SCN1A: variants seen among roughly 807,000 people sequenced by gnomAD.
SCN1A encodes the protein sodium channel protein type 1 subunit alpha.
SCN1A carries 13 observed loss-of-function variants against 193.7 expected under a neutral mutation model. The ratio of observed to expected loss-of-function variants is 0.07; its 90% CI spans 0.04 to 0.11. The LOEUF (loss-of-function observed/expected upper bound fraction) is 0.11, where lower values mean the gene tolerates loss of function less well. Ranked by LOEUF, SCN1A falls within the 10% of genes least tolerant of loss-of-function variation. SCN1A has a pLI of 1.00. For synonymous variants in SCN1A, 781 were observed against 843.6 expected, an observed-to-expected ratio of 0.93 and a Z score of 1.29; for missense variants, 1,432 against 2,451.1, an observed-to-expected ratio of 0.58 and a Z score of 8.78.
chr2:166,083,907 T>C (rs1450961437), intron 2 of SCN1A, among the ~76,000 whole-genome samples: 1 of 152,174 alleles, frequency 6.6e-6, no homozygotes, highest in Non-Finnish European at 1.5e-5. Flanking sequence ...AGTAATCTTA[T>C]TGTGTGGGTG....
intron 2 of SCN1A, among the ~76,000 whole-genome samples, chr2:166,118,144 AAGAG>A (rs971680861): frequency 1.1e-4 from 16 of 148,332 alleles, no homozygotes; most frequent in Non-Finnish European, 1.5e-4. Context: ...TGAAAAAAAA[AAGAG>A]AGAGAGAGAG....
chr2:166,077,587 G>C (rs965898509), intron 3 of SCN1A, 123 bp downstream of exon 3: 1 of 151,956 alleles, frequency 6.6e-6, no homozygotes, highest in African/African-American at 2.4e-5. Context: ...TGAGGATATG[G>C]AGCAATAGAA....
intron 2 of SCN1A, among the ~76,000 whole-genome samples, chr2:166,094,679 G>C (rs143724078): frequency 1.4e-4 from 21 of 152,234 alleles, no homozygotes; most frequent in Middle Eastern, 3.4e-3. Flanking sequence ...TAGTTGCTAC[G>C]CATGGAGTAG....
At chr2:166,135,622 T>C (rs1212169607) in intron 1 of SCN1A, among the ~76,000 whole-genome samples, 1 of 152,224 alleles carries the variant, frequency 6.6e-6, no homozygotes, top group Non-Finnish European at 1.5e-5. Flanking sequence ...ATCTTTTCTT[T>C]TTGTTTCTTT....
At chr2:166,142,087 A>G (rs1306167426) in intron 1 of SCN1A, among the ~76,000 whole-genome samples, 2 of 152,196 alleles carry the variant, frequency 1.3e-5, no homozygotes, top group Non-Finnish European at 2.9e-5. Flanking sequence ...CATTCTAAGA[A>G]GAGGAGATAC....
chr2:166,044,721 AT>A (rs11310159), intron 13 of SCN1A, among the ~76,000 whole-genome samples: 110,983 of 150,926 alleles, frequency 0.74, 41,042 homozygotes, highest in East Asian at 0.89. Flanking sequence ...GGAGTTCCAC[AT>A]TTTTTTTTTT....
Position 165,990,185 on chromosome 2 carries a change from T to C in SCN1A, c.*1060A>G, listed in dbSNP as rs1688945602. 3 of 152,620 alleles carry C rather than the reference T, an allele frequency of 2.0e-5. No individual in the cohort carries two copies. In the South Asian group the frequency reaches 6.2e-4, roughly 32 times the overall value. The allele number at this position is 152,620 out of a possible 1,614,324, so 9.5% of individuals were successfully genotyped here. ...AGCTTGCACTCTACATTTCTTGTGG[T>C]ACATATTTGATGCAATAAATACTGT... is the stretch of plus-strand genomic sequence containing the variant. On this transcript the variant is annotated 3_prime_UTR_variant, in exon 29 of 29. Transcript: ENST00000674923.
chr2:166,142,853 C>G (rs1692147427), intron 1 of SCN1A, among the ~76,000 whole-genome samples: 1 of 152,182 alleles, frequency 6.6e-6, no homozygotes, highest in South Asian at 2.1e-4. Context: ...GAATAAGCCT[C>G]ATGAGATCTG....
chr2:166,130,434 C>T (rs1249168537), upstream of SCN1A, among the ~76,000 whole-genome samples: 1 of 152,230 alleles, frequency 6.6e-6, no homozygotes, highest in African/African-American at 2.4e-5. Flanking sequence ...CACTACCTTT[C>T]TTCCGCCTCC....
chr2:166,050,867 A>G (rs1391730600), intron 9 of SCN1A, among the ~76,000 whole-genome samples: 1 of 151,232 alleles, frequency 6.6e-6, no homozygotes, highest in East Asian at 1.9e-4. Context: ...TAAGAATAAG[A>G]TTTACTTTTA....
At chr2:165,999,238 A>G (rs1690492094) in intron 25 of SCN1A, 2 of 154,044 alleles carry the variant, frequency 1.3e-5, no homozygotes, top group South Asian at 4.0e-4. Context: ...AAAATCATAT[A>G]AAAACATTCT....
chr2:166,107,276 G>GT (rs1035407718), intron 2 of SCN1A, among the ~76,000 whole-genome samples: 31 of 152,208 alleles, frequency 2.0e-4, no homozygotes, highest in African/African-American at 7.2e-4. Flanking sequence ...AATATGTCTT[G>GT]TTTTTTGCTT....
intron 2 of SCN1A, among the ~76,000 whole-genome samples, chr2:166,096,431 A>C (rs1687390041): frequency 6.6e-6 from 1 of 152,024 alleles, no homozygotes; most frequent in African/African-American, 2.4e-5. Context: ...ACAGGCACCC[A>C]CCACCACACC....
rs149570962 is a variant in SCN1A at position 165,997,836 on chromosome 2, A to T, written c.4476+202T>A. ...GAGGAAAAACTTTATGAACCTATGA[A>T]CAAGAGTGTGGAACACAGTTATTCT... is the stretch of plus-strand genomic sequence containing the variant. On this transcript the variant is annotated intron_variant, in intron 26 of 28. Coordinates refer to ENST00000674923, the MANE Select transcript of SCN1A (RefSeq NM_001165963.4). Among the ~76,000 whole-genome samples the T allele has an allele frequency of 5.7e-3, 861 of 151,382 alleles. 8 individuals carry two copies. Among genetic ancestry groups the T allele is most frequent in the African/African-American group, 0.02 (832 of 41,488 alleles).
rs148546224 is a variant in SCN1A at position 165,992,330 on chromosome 2, G to A, written c.4945C>T (p.Leu1649=). The change falls in exon 29 of 29, where the codon CTG becomes TTG. Residue 1649 remains leucine, a synonymous_variant. Coordinates refer to ENST00000674923, the MANE Select transcript of SCN1A (RefSeq NM_001165963.4). This position sits in a 1 kb window ranked among gnomAD's most constrained non-coding sequence, Gnocchi z 6.5. The stretch of plus-strand genomic sequence containing the variant: ...CGGATCCCCTTTGCTCCTTTGATCA[G>A]ACGTAGGATTCGGCCAATCCTAGCA... ...RLARIGRILR[L]IKGAKGIRTL... 9.9e-4 allele frequency: 1,592 copies of A among 1,613,724 alleles called. 22 individuals are homozygous for A. Among genetic ancestry groups the A allele is most frequent in the South Asian group, 8.6e-3 (786 of 91,086 alleles).
In SCN1A at chr2:166,097,511, T is replaced by C. The variant is rs115534222; in HGVS notation, c.-141-19710A>G. On this transcript the variant is annotated intron_variant, in intron 2 of 28. Coordinates refer to ENST00000674923, the MANE Select transcript of SCN1A (RefSeq NM_001165963.4). ...TCTGCTATATGTTTAAAAAAATGCT[T>C]ATACGTGAGATTATCTAGACTTCAC... Among the ~76,000 whole-genome samples, 1,281 of 152,304 alleles carry C rather than the reference T, an allele frequency of 8.4e-3. 18 individuals are homozygous for C. Among genetic ancestry groups the C allele is most frequent in the African/African-American group, 0.029 (1,223 of 41,564 alleles).
intron 2 of SCN1A, among the ~76,000 whole-genome samples, chr2:166,091,197 C>A (rs1365277593): frequency 6.6e-6 from 1 of 152,176 alleles, no homozygotes; most frequent in Non-Finnish European, 1.5e-5. Context: ...AAAATCATTT[C>A]TTTCCGGAGC....
In SCN1A at chr2:165,994,428, T is replaced by A. The variant is rs752455718; in HGVS notation, c.4582-12A>T. The A allele has an allele frequency of 6.2e-7, 1 of 1,612,202 alleles. No individual in the cohort carries two copies. ...CCTTGAAATTTGTTCTGTAGAGAAATAGAAATGCTTTTAACAACAAAGGAG... is the reference window on the plus strand; with the variant it reads ...CCTTGAAATTTGTTCTGTAGAGAAAAAGAAATGCTTTTAACAACAAAGGAG... On this transcript the variant is annotated splice_polypyrimidine_tract_variant and intron_variant, in intron 27 of 28. Transcript: ENST00000674923.
At chr2:165,997,077 T>C (rs1335541976) in intron 26 of SCN1A, among the ~76,000 whole-genome samples, 1 of 151,352 alleles carries the variant, frequency 6.6e-6, no homozygotes, top group Admixed American at 6.6e-5. Context: ...TTTGAGTAGT[T>C]ATATTACTCT....
Sources: gnomAD v4.1 joint callset for allele counts (sites outside exome capture counted in the v4.1 genomes callset) on GRCh38, gnomAD v4.1.1 for gene constraint, Gnocchi (gnomAD v3.1) non-coding constraint, MANE v1.5 for transcripts, NCBI Gene and HGNC (gene_info 2026-07-23, HGNC 2026-07-21) for gene names.